FBXO10: variants seen among roughly 807,000 people sequenced by gnomAD.
FBXO10 encodes the protein F-box only protein 10.
In FBXO10, 39 loss-of-function variants were observed where a neutral mutation model predicts 80.7. The observed-to-expected ratio is 0.48, with a 90% CI of 0.37 to 0.63. The LOEUF (loss-of-function observed/expected upper bound fraction) is 0.63, where lower values mean the gene tolerates loss of function less well. Ranked by LOEUF, FBXO10 falls within the 30% of genes least tolerant of loss-of-function variation. The probability of loss-of-function intolerance (pLI) is 0.00; values close to 1 mark genes in which losing one functional copy is unlikely to be tolerated. For synonymous variants in FBXO10, 449 were observed against 489.6 expected (o/e 0.92, Z 1.09); for missense variants, 1,025 against 1,269.0 (o/e 0.81, Z 2.92).
At chr9:37,564,731 C>T (rs1822562995) in intron 1 of FBXO10, among the ~76,000 whole-genome samples, 1 of 152,252 alleles carries the variant, frequency 6.6e-6, no homozygotes, top group South Asian at 2.1e-4. Flanking sequence ...TATATTTACC[C>T]AATGTCTGTA....
intron 1 of FBXO10, among the ~76,000 whole-genome samples, chr9:37,546,513 T>A (rs1037970445): frequency 2.0e-5 from 3 of 152,206 alleles, no homozygotes; most frequent in African/African-American, 7.2e-5. Flanking sequence ...CATTCACTCA[T>A]CCGACAGACA....
intron 1 of FBXO10, among the ~76,000 whole-genome samples, chr9:37,566,179 A>G (rs1025578657): frequency 1.3e-5 from 2 of 152,244 alleles, no homozygotes; most frequent in African/African-American, 4.8e-5. Flanking sequence ...TCTCCCTTGC[A>G]GACTAATCAT....
intron 4 of FBXO10, among the ~76,000 whole-genome samples, chr9:37,530,233 A>G (rs1821583960): frequency 6.6e-6 from 1 of 152,230 alleles, no homozygotes; most frequent in South Asian, 2.1e-4. Context: ...GATTTCGCAG[A>G]AATAAAGTTC....
chr9:37,527,940 G>A (rs763895968), intron 5 of FBXO10, among the ~76,000 whole-genome samples: 19 of 152,122 alleles, frequency 1.2e-4, no homozygotes, highest in Non-Finnish European at 2.1e-4. Context: ...ATTAGGTCTG[G>A]TTCAAAAATT....
At chr9:37,519,643 G>A (rs149580245) in intron 8 of FBXO10, among the ~76,000 whole-genome samples, 8 of 152,274 alleles carry the variant, frequency 5.3e-5, no homozygotes, top group Non-Finnish European at 8.8e-5. Context: ...ATTTGTGAAC[G>A]TAGGTGGCTT....
At chr9:37,538,702 G>A (rs12348099) in intron 2 of FBXO10, among the ~76,000 whole-genome samples, 12,823 of 147,426 alleles carry the variant, frequency 0.087, 1,711 homozygotes, top group African/African-American at 0.29. Flanking sequence ...AGCAAGACTC[G>A]GTGTCCAAAA....
chr9:37,557,751 T>C (rs570083027), intron 1 of FBXO10, among the ~76,000 whole-genome samples: 1 of 152,348 alleles, frequency 6.6e-6, no homozygotes, highest in African/African-American at 2.4e-5. Flanking sequence ...CTACATTTCT[T>C]ATCTATTTCC....
In FBXO10 at chr9:37,529,164, C is replaced by T. The variant is rs1173477542; in HGVS notation, c.1666G>A (p.Ala556Thr). The change falls in exon 5 of 11, where the codon GCT becomes ACT. Residue 556 changes from alanine to threonine, a missense_variant. Physicochemically the swap from Ala to Thr is moderately conservative, Grantham distance 58. Coordinates refer to ENST00000432825, the MANE Select transcript of FBXO10 (RefSeq NM_012166.3). ...CCGTGGTACAGGATGTAAATGCCAG[C>T]CTCCTTATTGGAAAAGATTTGATTG... is the stretch of plus-strand genomic sequence containing the variant. ...RNNQIFSNKE[A>T]GIYILYHGNP... 6.2e-7 allele frequency: 1 copy of T among 1,613,862 alleles called. No homozygotes were observed. Among genetic ancestry groups the T allele is most frequent in the Non-Finnish European group, 8.5e-7 (1 of 1,179,904 alleles).
intron 1 of FBXO10, among the ~76,000 whole-genome samples, chr9:37,550,209 G>T (rs770866411): frequency 1.2e-5 from 1 of 81,564 alleles, no homozygotes; most frequent in Non-Finnish European, 2.2e-5. Context: ...TTGAGATAGA[G>T]TCTTGCTCTG....
At chr9:37,557,320 A>C (rs1822361464) in intron 1 of FBXO10, among the ~76,000 whole-genome samples, 3 of 152,162 alleles carry the variant, frequency 2.0e-5, no homozygotes, top group Non-Finnish European at 4.4e-5. Flanking sequence ...TGCACTCTAC[A>C]TCCCTTCTGA....
Position 37,541,198 on chromosome 9 carries a change from G to C in FBXO10, c.571C>G (p.Pro191Ala). The part of the protein sequence containing the change: ...NLVFTPAWFS[P>A]IMYKTTSGHV... Reference sequence around the variant, plus strand: ...TGGATACCCACCTTATACATGATGGGTGAGAACCAGGCTGGCGTGAAGACG... The same window carrying C: ...TGGATACCCACCTTATACATGATGGCTGAGAACCAGGCTGGCGTGAAGACG... The change falls in exon 2 of 11, where the codon CCC becomes GCC. Residue 191 changes from proline (P) to alanine (A), a missense_variant. Pro to Ala is a conservative substitution (Grantham distance 27). Coordinates refer to ENST00000432825, the MANE Select transcript of FBXO10 (RefSeq NM_012166.3). 2 of 1,603,678 alleles carry C rather than the reference G, an allele frequency of 1.2e-6. No individual in the cohort carries two copies. Among genetic ancestry groups the C allele is most frequent in the Non-Finnish European group, 1.7e-6 (2 of 1,175,018 alleles).
chr9:37,560,796 G>C (rs1480371920), intron 1 of FBXO10, among the ~76,000 whole-genome samples: 2 of 152,148 alleles, frequency 1.3e-5, no homozygotes, highest in Non-Finnish European at 2.9e-5. Flanking sequence ...GTCTGGGATG[G>C]AGGGAGTATG....
chr9:37,572,897 A>G (rs542646863), intron 1 of FBXO10, among the ~76,000 whole-genome samples: 1 of 152,384 alleles, frequency 6.6e-6, no homozygotes, highest in South Asian at 2.1e-4. Context: ...TCTTAGAAAA[A>G]TTGAGAAAAC....
In FBXO10 at chr9:37,541,261, T is replaced by C. The variant is rs747974142; in HGVS notation, c.508A>G (p.Ile170Val). Reference protein sequence around the residue: ...KLGEVALLASIDQHCSTTRLC... With the variant: ...KLGEVALLASVDQHCSTTRLC... ...CGTGTGGTTGAGCAGTGCTGATCAA[T>C]GCTGGCCAGCAGGGCCACTTCACCC... The change falls in exon 2 of 11, where the codon ATT (isoleucine) becomes GTT (valine). Residue 170 changes from isoleucine to valine, a missense_variant. This residue lies in a region of FBXO10 where 450 missense variants were observed against 499.4 expected (regional missense o/e 0.90). Transcript: ENST00000432825. 5.0e-6 allele frequency: 8 copies of C among 1,613,832 alleles called. No individual in the cohort carries two copies. Among genetic ancestry groups the C allele is most frequent in the African/African-American group, 2.7e-5 (2 of 74,918 alleles).
In FBXO10 at chr9:37,526,434, A is replaced by T. The variant is rs191663211; in HGVS notation, c.1707-1262T>A. On this transcript the variant is annotated intron_variant, in intron 5 of 10. Coordinates refer to ENST00000432825, the MANE Select transcript of FBXO10 (RefSeq NM_012166.3). Reference sequence around the variant, plus strand: ...TCTCTCAAGATGACTATGTTTTAAAAACCCAACACTGATCTAATTATGATA... The same window carrying T: ...TCTCTCAAGATGACTATGTTTTAAATACCCAACACTGATCTAATTATGATA... 3.7e-3 allele frequency among the ~76,000 whole-genome samples: 559 copies of T among 152,274 alleles called. 2 individuals carry two copies. Among genetic ancestry groups the T allele is most frequent in the Non-Finnish European group, 5.8e-3 (392 of 68,028 alleles).
chr9:37,570,831 A>G (rs1822732322), intron 1 of FBXO10, among the ~76,000 whole-genome samples: 1 of 152,062 alleles, frequency 6.6e-6, no homozygotes, highest in Non-Finnish European at 1.5e-5. Flanking sequence ...CGTCTCTACT[A>G]AAAATACAAA....
chr9:37,563,486 G>C (rs983673577), intron 1 of FBXO10, among the ~76,000 whole-genome samples: 1 of 152,208 alleles, frequency 6.6e-6, no homozygotes, highest in African/African-American at 2.4e-5. Context: ...AGAGGGCTCA[G>C]AAGACAAGAA....
At chr9:37,521,379 C>T (rs1027926769) in intron 8 of FBXO10, among the ~76,000 whole-genome samples, 190 bp downstream of exon 8, 6 of 152,170 alleles carry the variant, frequency 3.9e-5, no homozygotes, top group Admixed American at 2.0e-4. Flanking sequence ...TCTGCCTGGC[C>T]GCTGTGCAAC....
chr9:37,513,302 C>T (rs1821109196), intron 10 of FBXO10, among the ~76,000 whole-genome samples: 1 of 152,126 alleles, frequency 6.6e-6, no homozygotes, highest in East Asian at 1.9e-4. Flanking sequence ...CCAGCTTTTC[C>T]TCTTTCATTT....
Sources: allele counts gnomAD v4.1 joint callset (sites outside exome capture counted in the v4.1 genomes callset), GRCh38; gene constraint gnomAD v4.1.1; regional missense constraint gnomAD v4.1.1; transcripts MANE v1.5; gene names NCBI Gene and HGNC (gene_info 2026-07-23, HGNC 2026-07-21).